Variants in KCNT2 observed in about 807,000 individuals in gnomAD.
KCNT2 encodes potassium channel subfamily T member 2.
In KCNT2, 67 loss-of-function variants were observed where a neutral mutation model predicts 153.8. That is an observed-to-expected ratio of 0.44 (90% confidence interval 0.36 to 0.53). KCNT2 has a LOEUF of 0.53. KCNT2 is among the 20% of genes least tolerant of loss of function. KCNT2 has a pLI of 0.00. For missense variants in KCNT2, 975 were observed against 1,354.8 expected, an observed-to-expected ratio of 0.72 and a Z score of 4.40; for synonymous variants, 500 against 458.8, an observed-to-expected ratio of 1.09 and a Z score of -1.15.
chr1:196,422,937 T>G, intron 12 of KCNT2, 113 bp downstream of exon 12: 1 of 560,424 alleles, frequency 1.8e-6, no homozygotes, highest in Non-Finnish European at 3.1e-6. Context: ...TTCCTTTTAG[T>G]AAAACTTTAA....
chr1:196,608,147 T>C, intron 1 of KCNT2, 68 bp downstream of exon 1: 2 of 1,408,206 alleles, frequency 1.4e-6, no homozygotes, highest in East Asian at 2.3e-5. Flanking sequence ...CTTTCCCCAC[T>C]TCGGCCCTCC....
intron 26 of KCNT2, among the ~76,000 whole-genome samples, chr1:196,255,417 T>A (rs1184227592): frequency 6.6e-6 from 1 of 151,704 alleles, no homozygotes; most frequent in Admixed American, 6.6e-5. Flanking sequence ...AAAAAATTAA[T>A]TAAAAGCAAG....
At chr1:196,296,863 C>A (rs1324072246) in intron 22 of KCNT2, among the ~76,000 whole-genome samples, 1 of 151,874 alleles carries the variant, frequency 6.6e-6, no homozygotes, top group Non-Finnish European at 1.5e-5. Flanking sequence ...TGAGTAGTGC[C>A]TTGCAGACTA....
intron 8 of KCNT2, among the ~76,000 whole-genome samples, chr1:196,459,861 C>T (rs1469920538): frequency 6.6e-6 from 1 of 151,776 alleles, no homozygotes; most frequent in South Asian, 2.1e-4. Context: ...AATCCTTTAT[C>T]TTGCCCTCTA....
rs1044610620 is a variant in KCNT2, at chr1:196,226,153, C to T, written c.*2071G>A. On this transcript the variant is annotated 3_prime_UTR_variant, in exon 28 of 28. Transcript: ENST00000294725. ...TATAATCATATCCTAGCTTAAAATCCTAGTCTCAACAACTGTCATAATGCA... is the reference window on the plus strand; with the variant it reads ...TATAATCATATCCTAGCTTAAAATCTTAGTCTCAACAACTGTCATAATGCA... 2.0e-5 allele frequency: 3 copies of T among 151,794 alleles called. No homozygotes were observed. The highest frequency in any genetic ancestry group is 3.2e-3 in the Middle Eastern group (1 of 312). The allele number at this position is 151,794 out of a possible 1,614,324, so 9.4% of individuals were successfully genotyped here. A position where few individuals can be genotyped will look rare whatever the true frequency, so the allele number is the denominator to read the frequency against.
At chr1:196,341,933 A>C (rs1665677095) in intron 15 of KCNT2, 146 bp downstream of exon 15, 2 of 678,020 alleles carry the variant, frequency 2.9e-6, no homozygotes, top group Non-Finnish European at 4.7e-6. Context: ...CAGGGTTCAA[A>C]TGTTTCAACA....
intron 12 of KCNT2, among the ~76,000 whole-genome samples, chr1:196,407,387 A>G (rs1367922441): frequency 6.6e-6 from 1 of 151,494 alleles, no homozygotes; most frequent in African/African-American, 2.4e-5. Flanking sequence ...TGTACTAAAA[A>G]CTCAGTTATA....
At chr1:196,429,500 C>A in intron 9 of KCNT2, 77 bp downstream of exon 9, 1 of 934,846 alleles carries the variant, frequency 1.1e-6, no homozygotes, top group Non-Finnish European at 1.6e-6. Flanking sequence ...AAGCCACTTT[C>A]CATTTCTTAT....
At chr1:196,461,449 T>G (rs1005801006) in intron 8 of KCNT2, among the ~76,000 whole-genome samples, 2 of 151,684 alleles carry the variant, frequency 1.3e-5, no homozygotes, top group African/African-American at 4.8e-5. Context: ...TAGAAACCCA[T>G]GAAATAATAT....
At chr1:196,322,936 C>A (rs774590987) in intron 19 of KCNT2, among the ~76,000 whole-genome samples, 1 of 151,704 alleles carries the variant, frequency 6.6e-6, no homozygotes, top group Non-Finnish European at 1.5e-5. Context: ...GTGTTATTTT[C>A]TTGATTGGCA....
At chr1:196,348,816 G>T (rs191662073) in intron 14 of KCNT2, among the ~76,000 whole-genome samples, 2 of 151,794 alleles carry the variant, frequency 1.3e-5, no homozygotes, top group Non-Finnish European at 2.9e-5. Context: ...TCATGATGTC[G>T]GGGGTTTGAG....
At chr1:196,435,053 G>A (rs1674498400) in intron 8 of KCNT2, among the ~76,000 whole-genome samples, 1 of 149,228 alleles carries the variant, frequency 6.7e-6, no homozygotes, top group African/African-American at 2.5e-5. Context: ...ACAGAATTTT[G>A]AGAAATAACC....
intron 8 of KCNT2, among the ~76,000 whole-genome samples, chr1:196,452,237 A>G (rs1676277335): frequency 6.6e-6 from 1 of 152,026 alleles, no homozygotes; most frequent in African/African-American, 2.4e-5. Flanking sequence ...CCCAGCTACT[A>G]TCACATTACC....
chr1:196,305,334 C>T lies in KCNT2; in HGVS notation c.2495G>A (p.Ser832Asn). The change falls in exon 22 of 28, where the codon AGT becomes AAT. Residue 832 changes from serine (S) to asparagine (N), a missense_variant. Ser to Asn is a conservative substitution (Grantham distance 46). Coordinates refer to ENST00000294725, the MANE Select transcript of KCNT2 (RefSeq NM_198503.5). ...AGTTAGCTCTGTGATAATACTGAGACTGGAAAACAACCTACATTTCAAAAG... is the reference window on the plus strand; with the variant it reads ...AGTTAGCTCTGTGATAATACTGAGATTGGAAAACAACCTACATTTCAAAAG... ...NVQTLFRLFSSLSIITELTHP... is the reference protein window; with the variant it reads ...NVQTLFRLFSNLSIITELTHP... 3 of 1,590,084 alleles carry T rather than the reference C, an allele frequency of 1.9e-6. No homozygotes were observed. The highest frequency in any genetic ancestry group is 1.7e-6 in the Non-Finnish European group (2 of 1,159,216).
At chr1:196,405,642 C>T (rs973432907) in intron 12 of KCNT2, among the ~76,000 whole-genome samples, 3 of 151,194 alleles carry the variant, frequency 2.0e-5, no homozygotes, top group Non-Finnish European at 4.4e-5. Context: ...CAGAGTCTGT[C>T]ATCTACACGT....
intron 23 of KCNT2, among the ~76,000 whole-genome samples, chr1:196,284,248 A>AAAAAAAAAAAATATAT: frequency 1.0e-4 from 1 of 10,050 alleles, no homozygotes; most frequent in African/African-American, 1.4e-4. Flanking sequence ...AAAAAAAAAA[A>AAAAAAAAAAAATATAT]ATATATATAT....
chr1:196,486,310 T>TA (rs1212621498), intron 3 of KCNT2, among the ~76,000 whole-genome samples: 7 of 151,850 alleles, frequency 4.6e-5, no homozygotes, highest in African/African-American at 9.7e-5. Flanking sequence ...TTCCAAAATA[T>TA]AAAAAATTAA....
At chr1:196,453,277 A>G (rs1245639277) in intron 8 of KCNT2, among the ~76,000 whole-genome samples, 1 of 151,694 alleles carries the variant, frequency 6.6e-6, no homozygotes, top group Non-Finnish European at 1.5e-5. Flanking sequence ...CATAGCCTCA[A>G]CACTACGGCA....
At chr1:196,560,274 G>A (rs977778303) in intron 1 of KCNT2, among the ~76,000 whole-genome samples, 1 of 151,714 alleles carries the variant, frequency 6.6e-6, no homozygotes, top group African/African-American at 2.4e-5. Flanking sequence ...TAAAGGGAAC[G>A]GTGAAGCAGA....
Sources: gnomAD v4.1 joint callset for allele counts (sites outside exome capture counted in the v4.1 genomes callset) on GRCh38, gnomAD v4.1.1 for gene constraint, MANE v1.5 for transcripts, NCBI Gene and HGNC (gene_info 2026-07-23, HGNC 2026-07-21) for gene names.